The following DENND1A variants were observed in gnomAD, a reference collection of about 807,000 sequenced individuals.
DENND1A encodes the protein DENN domain containing 1A.
A neutral mutation model predicts 113.7 loss-of-function variants in DENND1A; 51 were observed. The observed-to-expected ratio is 0.45, with a 90% CI of 0.36 to 0.57. The LOEUF is 0.57. Among genes scored for constraint, DENND1A ranks in the 20% least tolerant of loss-of-function variants. The pLI is 0.00. For missense variants in DENND1A, 1,258 were observed against 1,395.9 expected (o/e 0.90, Z 1.57); for synonymous variants, 565 against 570.8 (o/e 0.99, Z 0.14).
chr9:123,564,649 A>G (rs552778363), intron 12 of DENND1A, among the ~76,000 whole-genome samples: 31 of 152,380 alleles, frequency 2.0e-4, no homozygotes, highest in Non-Finnish European at 4.6e-4. Flanking sequence ...TCTGTCTTCT[A>G]TCCAATGCCA....
At chr9:123,579,989 C>G (rs907506326) in intron 12 of DENND1A, among the ~76,000 whole-genome samples, 1 of 152,294 alleles carries the variant, frequency 6.6e-6, no homozygotes. Flanking sequence ...TTTGTGCACG[C>G]TGAGACTGTC....
intron 1 of DENND1A, among the ~76,000 whole-genome samples, chr9:123,924,140 C>G (rs1009925283): frequency 1.5e-4 from 23 of 152,142 alleles, no homozygotes; most frequent in African/African-American, 5.6e-4. Flanking sequence ...ATCTTGAAAT[C>G]ATTAAGTGAA....
intron 5 of DENND1A, among the ~76,000 whole-genome samples, chr9:123,716,902 G>T (rs2067011777): frequency 6.6e-6 from 1 of 152,092 alleles, no homozygotes; most frequent in East Asian, 1.9e-4. Context: ...TTTTAGCAGG[G>T]CCCACCTTAC....
At chr9:123,853,057 T>C (rs541502526) in intron 2 of DENND1A, among the ~76,000 whole-genome samples, 94 of 152,092 alleles carry the variant, frequency 6.2e-4, no homozygotes, top group African/African-American at 2.2e-3. Flanking sequence ...GTAACTGGGA[T>C]TACAGGTGAA....
intron 5 of DENND1A, among the ~76,000 whole-genome samples, chr9:123,738,131 T>C (rs903270054): frequency 2.0e-5 from 3 of 152,206 alleles, no homozygotes; most frequent in African/African-American, 7.2e-5. Flanking sequence ...GATTTTAAGA[T>C]AATAGCTAAA....
At chr9:123,669,559 G>C (rs1181429827) in intron 7 of DENND1A, among the ~76,000 whole-genome samples, 2 of 152,226 alleles carry the variant, frequency 1.3e-5, no homozygotes, top group African/African-American at 4.8e-5. Context: ...CATGCTGCCT[G>C]AGCAGCCATT....
intron 9 of DENND1A, among the ~76,000 whole-genome samples, chr9:123,638,499 C>T (rs1043853728): frequency 6.6e-5 from 10 of 152,242 alleles, no homozygotes; most frequent in East Asian, 5.8e-4. Flanking sequence ...TACAGAATCT[C>T]GTTCTGCCAC....
intron 2 of DENND1A, among the ~76,000 whole-genome samples, chr9:123,855,774 A>AC (rs1287906289): frequency 1.3e-5 from 2 of 152,176 alleles, no homozygotes; most frequent in African/African-American, 2.4e-5. Context: ...GCGGCGGCTC[A>AC]CACCTGTAAT....
chr9:123,617,829 A>G (rs945937507), intron 10 of DENND1A, among the ~76,000 whole-genome samples: 4 of 152,198 alleles, frequency 2.6e-5, no homozygotes, highest in Non-Finnish European at 4.4e-5. Flanking sequence ...CAAGCAGCCC[A>G]TGAGAGCCTG....
At chr9:123,620,999 G>T (rs1190924365) in intron 10 of DENND1A, among the ~76,000 whole-genome samples, 1 of 152,108 alleles carries the variant, frequency 6.6e-6, no homozygotes, top group African/African-American at 2.4e-5. Flanking sequence ...AGCACTTGCT[G>T]CAAAATGGCA....
intron 5 of DENND1A, among the ~76,000 whole-genome samples, chr9:123,697,327 A>G (rs2065582979): frequency 6.6e-6 from 1 of 152,174 alleles, no homozygotes. Context: ...ACAACTTCCC[A>G]TATTATTCTA....
chr9:123,734,921 C>T (rs921872873), intron 5 of DENND1A, among the ~76,000 whole-genome samples: 1 of 152,034 alleles, frequency 6.6e-6, no homozygotes, highest in Non-Finnish European at 1.5e-5. Context: ...GTTACTACTA[C>T]CAGGCAGCAT....
chr9:123,586,298 T>G (rs1466390916), intron 11 of DENND1A, among the ~76,000 whole-genome samples: 1 of 152,154 alleles, frequency 6.6e-6, no homozygotes, highest in East Asian at 1.9e-4. Context: ...AGGCCTTGTT[T>G]CTGTGCTCCC....
At chr9:123,602,506 G>C (rs1287345871) in intron 11 of DENND1A, among the ~76,000 whole-genome samples, 1 of 152,204 alleles carries the variant, frequency 6.6e-6, no homozygotes, top group East Asian at 1.9e-4. Flanking sequence ...CTACTTCGCA[G>C]AGAGTGTCTG....
rs530460009 is a variant in DENND1A, at chr9:123,748,265, C to T, written c.302+9438G>A. On this transcript the variant is annotated intron_variant, in intron 5 of 23. Transcript: ENST00000394215. ...CATCCCAATTCAGGGAAGGAAACACCCTTAGTCATTATCAGCATGGTGGGA... is the reference window on the plus strand; with the variant it reads ...CATCCCAATTCAGGGAAGGAAACACTCTTAGTCATTATCAGCATGGTGGGA... Among the ~76,000 whole-genome samples the T allele has an allele frequency of 1.1e-4, 16 of 152,200 alleles. 1 individual carries two copies. In the South Asian group the frequency reaches 3.3e-3, roughly 32 times the overall value.
At chr9:123,737,377 G>A (rs1180956481) in intron 5 of DENND1A, among the ~76,000 whole-genome samples, 1 of 151,898 alleles carries the variant, frequency 6.6e-6, no homozygotes, top group African/African-American at 2.4e-5. Context: ...TTGTAAACAT[G>A]GGGTCTCATT....
chr9:123,832,330 A>G (rs955825300), intron 2 of DENND1A, among the ~76,000 whole-genome samples: 1 of 152,172 alleles, frequency 6.6e-6, no homozygotes, highest in African/African-American at 2.4e-5. Flanking sequence ...AGCAAAATAC[A>G]CTACCCATTC....
intron 5 of DENND1A, among the ~76,000 whole-genome samples, chr9:123,753,441 C>A (rs1409875860): frequency 6.6e-6 from 1 of 152,204 alleles, no homozygotes; most frequent in Admixed American, 6.5e-5. Flanking sequence ...CCTTCATGGA[C>A]AAAATGTCTA....
At chr9:123,571,695 T>C (rs991774832) in intron 12 of DENND1A, among the ~76,000 whole-genome samples, 1 of 152,230 alleles carries the variant, frequency 6.6e-6, no homozygotes, top group African/African-American at 2.4e-5. Context: ...TATTTATCCA[T>C]CTACCATTTG....
Sources: gnomAD v4.1 joint callset for allele counts (sites outside exome capture counted in the v4.1 genomes callset) on GRCh38, gnomAD v4.1.1 for gene constraint, MANE v1.5 for transcripts, NCBI Gene and HGNC (gene_info 2026-07-23, HGNC 2026-07-21) for gene names.